GALNTL6: variants seen among roughly 807,000 people sequenced by gnomAD.
GALNTL6 encodes polypeptide N-acetylgalactosaminyltransferase like 6.
A neutral mutation model predicts 73.7 loss-of-function variants in GALNTL6; 46 were observed. The ratio of observed to expected loss-of-function variants is 0.62; its 90% CI spans 0.49 to 0.80. The LOEUF is 0.80. Ranked by LOEUF, GALNTL6 falls within the 30% of genes least tolerant of loss-of-function variation. The pLI, the probability that GALNTL6 is intolerant of heterozygous loss-of-function variation, is 0.00. For synonymous variants in GALNTL6, 259 were observed against 263.7 expected, an observed-to-expected ratio of 0.98 and a Z score of 0.17; for missense variants, 604 against 755.0, an observed-to-expected ratio of 0.80 and a Z score of 2.34.
At chr4:172,830,632 C>T (rs971036722) in intron 7 of GALNTL6, among the ~76,000 whole-genome samples, 24 of 152,190 alleles carry the variant, frequency 1.6e-4, no homozygotes, top group African/African-American at 5.8e-4. Context: ...TAAACCCTAA[C>T]TGTAAGGTCA....
intron 5 of GALNTL6, among the ~76,000 whole-genome samples, chr4:172,629,270 G>T (rs1009290944): frequency 3.9e-5 from 6 of 152,028 alleles, no homozygotes; most frequent in African/African-American, 1.4e-4. Flanking sequence ...TTTTCCAAGA[G>T]TCAGATTTGA....
chr4:171,851,353 G>A (rs949440984), intron 2 of GALNTL6, among the ~76,000 whole-genome samples: 3 of 152,090 alleles, frequency 2.0e-5, no homozygotes, highest in Admixed American at 6.6e-5. Flanking sequence ...GTGACCAATT[G>A]CTTTAAAAAA....
chr4:172,379,653 AAAAAT>A (rs76730414), intron 5 of GALNTL6, among the ~76,000 whole-genome samples: 63 of 150,832 alleles, frequency 4.2e-4, no homozygotes, highest in Middle Eastern at 3.4e-3. Flanking sequence ...CCCCCCTGAA[AAAAAT>A]AAAATAAAAT....
At chr4:172,377,357 G>C (rs1363575503) in intron 5 of GALNTL6, among the ~76,000 whole-genome samples, 2 of 152,072 alleles carry the variant, frequency 1.3e-5, no homozygotes, top group Non-Finnish European at 2.9e-5. Context: ...AGTGCTGATT[G>C]GTGTGTTTAC....
In GALNTL6 at chr4:171,822,364, T is replaced by C. The variant is rs962280; in HGVS notation, c.138+7646T>C. Among the ~76,000 whole-genome samples the C allele has an allele frequency of 1.3e-4, 20 of 152,344 alleles. No individual in the cohort carries two copies. The East Asian group carries it at 3.3e-3, about 25-fold the overall frequency. On this transcript the variant is annotated intron_variant, in intron 2 of 12. Transcript: ENST00000506823. ...GGGGAGTTCAGATACTTCAAGTTTG[T>C]AGGTGGGCCTCATCCCTTACAGAAG...
chr4:171,854,715 C>T (rs1230988857), intron 2 of GALNTL6, among the ~76,000 whole-genome samples: 1 of 152,158 alleles, frequency 6.6e-6, no homozygotes. Context: ...TTCCTGGTTC[C>T]CAGAAGGCTA....
At chr4:172,824,357 G>T (rs1341228742) in intron 7 of GALNTL6, among the ~76,000 whole-genome samples, 1 of 148,688 alleles carries the variant, frequency 6.7e-6, no homozygotes, top group Non-Finnish European at 1.5e-5. Context: ...GACTTCCATG[G>T]TATAGTGTGT....
intron 5 of GALNTL6, among the ~76,000 whole-genome samples, chr4:172,401,037 T>A (rs549042815): frequency 1.3e-5 from 2 of 152,278 alleles, no homozygotes; most frequent in South Asian, 2.1e-4. Context: ...ATCCAATTCA[T>A]CCTTTTGTTT....
intron 10 of GALNTL6, among the ~76,000 whole-genome samples, chr4:172,965,761 A>G (rs560697689): frequency 7.2e-5 from 11 of 152,178 alleles, no homozygotes; most frequent in Non-Finnish European, 1.3e-4. Flanking sequence ...CTTCTCCTGT[A>G]TGGCATATAT....
Position 171,856,860 on chromosome 4 carries a change from G to A in GALNTL6, c.138+42142G>A, listed in dbSNP as rs563334218. ...AGATTTATAGTAAATCTTGAAGTAG[G>A]TTAGTAGTATCAGCCCTACAACTTG... On this transcript the variant is annotated intron_variant, in intron 2 of 12. Coordinates refer to ENST00000506823, the MANE Select transcript of GALNTL6 (RefSeq NM_001034845.3). Among the ~76,000 whole-genome samples the A allele has an allele frequency of 7.2e-5, 11 of 152,200 alleles. No homozygotes were observed. In the South Asian group the frequency reaches 2.1e-3, roughly 29 times the overall value.
At chr4:172,981,181 A>C (rs1751048029) in intron 10 of GALNTL6, among the ~76,000 whole-genome samples, 1 of 152,226 alleles carries the variant, frequency 6.6e-6, no homozygotes, top group South Asian at 2.1e-4. Flanking sequence ...TATCTGTTCA[A>C]GCCCTTGCTA....
Position 172,138,486 on chromosome 4 carries a change from TATATATATATATATATATA to T in GALNTL6, c.139-91169_139-91151del, listed in dbSNP as rs1560938199. On this transcript the variant is annotated intron_variant, in intron 2 of 12. Coordinates refer to ENST00000506823, the MANE Select transcript of GALNTL6 (RefSeq NM_001034845.3). ...AATTTACTTGGACTGCCTATATATA[TATATATATATATATATATA>T]TATATATATTTTTTTTTTTTTTTTT... is the stretch of plus-strand genomic sequence containing the variant. Among the ~76,000 whole-genome samples the T allele has an allele frequency of 1.1e-3, 6 of 5,508 alleles. No homozygotes were observed. The East Asian group carries it at 0.013, about 12-fold the overall frequency. The allele number at this position is 5,508 out of a possible 152,430, so 3.6% of individuals were successfully genotyped here.
At chr4:172,990,515 T>G (rs1030567023) in intron 10 of GALNTL6, among the ~76,000 whole-genome samples, 3 of 152,144 alleles carry the variant, frequency 2.0e-5, no homozygotes, top group Non-Finnish European at 4.4e-5. Context: ...CTTCCTGTTG[T>G]TGAGCCAGCA....
In GALNTL6 at chr4:172,437,048, C is replaced by T. The variant is rs1421882131; in HGVS notation, c.553+88359C>T. On this transcript the variant is annotated intron_variant, in intron 5 of 12. Coordinates refer to ENST00000506823, the MANE Select transcript of GALNTL6 (RefSeq NM_001034845.3). ...CACATATATATAAACACTTGTGAGGCCACCACACAAATCAAGATGTAGAGC... is the reference window on the plus strand; with the variant it reads ...CACATATATATAAACACTTGTGAGGTCACCACACAAATCAAGATGTAGAGC... Among the ~76,000 whole-genome samples the T allele has an allele frequency of 2.0e-5, 3 of 152,074 alleles. No individual in the cohort carries two copies. The East Asian group carries it at 5.8e-4, about 29-fold the overall frequency.
chr4:172,499,190 T>C (rs940422813), intron 5 of GALNTL6, among the ~76,000 whole-genome samples: 1 of 152,188 alleles, frequency 6.6e-6, no homozygotes, highest in African/African-American at 2.4e-5. Context: ...AAAATTCATA[T>C]GTTGAAGCTT....
At chr4:172,847,787 G>T (rs925520544) in intron 7 of GALNTL6, among the ~76,000 whole-genome samples, 1 of 152,126 alleles carries the variant, frequency 6.6e-6, no homozygotes, top group Non-Finnish European at 1.5e-5. Flanking sequence ...TTGAGGGTAT[G>T]AGGACATCTA....
chr4:171,866,560 A>AATT (rs1161269288), intron 2 of GALNTL6, among the ~76,000 whole-genome samples: 1 of 152,188 alleles, frequency 6.6e-6, no homozygotes, highest in Admixed American at 6.5e-5. Flanking sequence ...AATGATTTGA[A>AATT]ATTATGAGAT....
chr4:172,308,543 G>T lies in GALNTL6; in HGVS notation c.248-3071G>T, dbSNP rs1414960259. Reference sequence around the variant, plus strand: ...TTACTGAGGGTTTTCATCATAAAGGGATGCTGGATTTTGTCAGATGCTTTT... The same window carrying T: ...TTACTGAGGGTTTTCATCATAAAGGTATGCTGGATTTTGTCAGATGCTTTT... On this transcript the variant is annotated intron_variant, in intron 3 of 12. Coordinates refer to ENST00000506823, the MANE Select transcript of GALNTL6 (RefSeq NM_001034845.3). 2.6e-5 allele frequency among the ~76,000 whole-genome samples: 4 copies of T among 152,088 alleles called. No individual in the cohort carries two copies. The East Asian group carries it at 5.8e-4, about 22-fold the overall frequency.
intron 2 of GALNTL6, among the ~76,000 whole-genome samples, chr4:172,159,413 A>G (rs1166116902): frequency 1.3e-5 from 2 of 152,208 alleles, no homozygotes; most frequent in Non-Finnish European, 2.9e-5. Flanking sequence ...GATGTATTAG[A>G]TGTTTTGAAA....
Sources: allele counts gnomAD v4.1 joint callset (sites outside exome capture counted in the v4.1 genomes callset), GRCh38; gene constraint gnomAD v4.1.1; transcripts MANE v1.5; gene names NCBI Gene and HGNC (gene_info 2026-07-23, HGNC 2026-07-21).